ATP2B1: variants seen among roughly 807,000 people sequenced by gnomAD.
ATP2B1 encodes the protein ATPase plasma membrane Ca2+ transporting 1.
ATP2B1 carries 14 observed loss-of-function variants against 124.2 expected under a neutral mutation model. The ratio of observed to expected loss-of-function variants is 0.11; its 90% CI spans 0.07 to 0.18. ATP2B1 has a LOEUF of 0.18. Ranked by LOEUF, ATP2B1 falls within the 10% of genes least tolerant of loss-of-function variation. The pLI is 1.00. For synonymous variants in ATP2B1, 449 were observed against 492.4 expected, an observed-to-expected ratio of 0.91 and a Z score of 1.17; for missense variants, 763 against 1,466.1, an observed-to-expected ratio of 0.52 and a Z score of 7.83.
rs117688951 is a variant in ATP2B1, at chr12:89,651,367, A to G, written c.208+4312T>C. Among the ~76,000 whole-genome samples, 553 of 150,666 alleles carry G rather than the reference A, an allele frequency of 3.7e-3. 25 individuals carry two copies. The East Asian group carries it at 0.1, about 29-fold the overall frequency. On this transcript the variant is annotated intron_variant, in intron 2 of 20. Coordinates refer to ENST00000428670, the MANE Select transcript of ATP2B1 (RefSeq NM_001366521.1). The stretch of plus-strand genomic sequence containing the variant: ...GACTCAGGCGATCCTCCCACACTCA[A>G]GCGATCCTCCCACACTCAAGCGATC...
At chr12:89,592,180 A>G (rs946628665) in intron 20 of ATP2B1, among the ~76,000 whole-genome samples, 4 of 152,052 alleles carry the variant, frequency 2.6e-5, no homozygotes, top group African/African-American at 9.7e-5. Flanking sequence ...CAGTGCACAC[A>G]CTGACATTAA....
intron 11 of ATP2B1, among the ~76,000 whole-genome samples, chr12:89,618,315 G>A (rs1196634592): frequency 1.3e-5 from 2 of 152,204 alleles, no homozygotes; most frequent in East Asian, 3.9e-4. Context: ...CTTCACACTA[G>A]ACAGTTGGTA....
In ATP2B1 at chr12:89,638,635, CA is replaced by C. The variant is rs543303359; in HGVS notation, c.407-3385del. Among the ~76,000 whole-genome samples, 348 of 152,206 alleles carry C rather than the reference CA, an allele frequency of 2.3e-3. 2 individuals are homozygous for C. The highest frequency in any genetic ancestry group is 8.0e-3 in the African/African-American group (333 of 41,540). On this transcript the variant is annotated intron_variant, in intron 3 of 20. Coordinates refer to ENST00000428670, the MANE Select transcript of ATP2B1 (RefSeq NM_001366521.1). ...ATTTAAAAATTCATTATTGAGGGAA[CA>C]TTTTTCATCAAAATGCTATCTATGT...
chr12:89,633,978 G>T (rs773021155), intron 5 of ATP2B1, among the ~76,000 whole-genome samples: 4 of 152,134 alleles, frequency 2.6e-5, no homozygotes, highest in Non-Finnish European at 4.4e-5. Flanking sequence ...TGACTTGGGG[G>T]TCAATTTGTG....
At chr12:89,625,584 C>CAAAAAAAAAAAAAAAAAAGAAAAAAA (rs1880725174) in intron 8 of ATP2B1, among the ~76,000 whole-genome samples, 1 of 81,606 alleles carries the variant, frequency 1.2e-5, no homozygotes, top group Non-Finnish European at 2.4e-5. Context: ...GACCCTGTCT[C>CAAAAAAAAAAAAAAAAAAGAAAAAAA]AAAAAAAAAA....
chr12:89,598,757 G>C, intron 20 of ATP2B1: 2 of 1,613,702 alleles, frequency 1.2e-6, no homozygotes, highest in South Asian at 1.1e-5. Flanking sequence ...CAAGGAATCA[G>C]AGATTGTGAC....
In ATP2B1 at chr12:89,700,320, C is replaced by T. The variant is rs142744988; in HGVS notation, c.-222+8276G>A. On this transcript the variant is annotated intron_variant, in intron 1 of 20. Transcript: ENST00000428670. ...TCTTTCCCATTCACTGACTGACCTTCCTTGTTTTCAGCCCTCTATTTGCAC... is the reference window on the plus strand; with the variant it reads ...TCTTTCCCATTCACTGACTGACCTTTCTTGTTTTCAGCCCTCTATTTGCAC... Among the ~76,000 whole-genome samples the T allele has an allele frequency of 2.1e-3, 313 of 152,270 alleles. 1 individual carries two copies. The highest frequency in any genetic ancestry group is 3.8e-3 in the Non-Finnish European group (260 of 68,018).
chr12:89,599,904 C>A (rs1458565577), intron 19 of ATP2B1, among the ~76,000 whole-genome samples: 5 of 152,150 alleles, frequency 3.3e-5, no homozygotes, highest in South Asian at 2.1e-4. Context: ...GTGTTAACAT[C>A]CATTCTCTAA....
chr12:89,610,362 G>T (rs1592733339), intron 14 of ATP2B1, 59 bp downstream of exon 14: 1 of 1,381,832 alleles, frequency 7.2e-7, no homozygotes, highest in East Asian at 2.3e-5. Flanking sequence ...TTACTATTCT[G>T]GGAAGCAGAA....
intron 2 of ATP2B1, among the ~76,000 whole-genome samples, chr12:89,653,680 T>C (rs1885587936): frequency 6.6e-6 from 1 of 152,190 alleles, no homozygotes; most frequent in Admixed American, 6.5e-5. Context: ...TACATAACTA[T>C]CCCCTTCTCA....
chr12:89,661,202 G>A (rs1379954667), intron 1 of ATP2B1, among the ~76,000 whole-genome samples: 3 of 152,074 alleles, frequency 2.0e-5, no homozygotes, highest in East Asian at 1.9e-4. Flanking sequence ...TACACAATTA[G>A]AGCTTATTCC....
rs989747887 is a variant in ATP2B1, at chr12:89,626,635, G to T, written c.968-20C>A. On this transcript the variant is annotated intron_variant, in intron 7 of 20. Transcript: ENST00000428670. ...CTTTTGCTACATTTAAGAGCAAATA[G>T]AACTTCACTATACTTTAAAGGCACA... The T allele has an allele frequency of 6.4e-7, 1 of 1,574,056 alleles. No homozygotes were observed. The highest frequency in any genetic ancestry group is 1.4e-5 in the African/African-American group (1 of 72,616).
intron 2 of ATP2B1, among the ~76,000 whole-genome samples, chr12:89,650,203 C>T (rs572031134): frequency 5.9e-5 from 9 of 152,164 alleles, no homozygotes; most frequent in South Asian, 4.2e-4. Context: ...TGAGGGACAC[C>T]GGAAAATGTG....
At chr12:89,641,070 T>C (rs1249420773) in intron 3 of ATP2B1, among the ~76,000 whole-genome samples, 1 of 152,186 alleles carries the variant, frequency 6.6e-6, no homozygotes. Context: ...CACAAAAATA[T>C]TTTGGTGAAT....
chr12:89,669,082 T>A (rs1401803411), intron 1 of ATP2B1, among the ~76,000 whole-genome samples: 1 of 152,214 alleles, frequency 6.6e-6, no homozygotes, highest in Non-Finnish European at 1.5e-5. Flanking sequence ...ACACTCAGTA[T>A]GTACTGCATT....
chr12:89,696,595 G>A (rs1344723857), intron 1 of ATP2B1, among the ~76,000 whole-genome samples: 3 of 152,144 alleles, frequency 2.0e-5, no homozygotes, highest in African/African-American at 7.2e-5. Flanking sequence ...AACCATTAAA[G>A]TGTTAAAACT....
upstream of ATP2B1, chr12:89,708,960 GCGGCACACAGGGCGCGCCGCGCTCGCT>G (rs1301855552): frequency 6.6e-6 from 1 of 151,596 alleles, no homozygotes; most frequent in Non-Finnish European, 1.5e-5. Context: ...GCTCCGCAGA[GCGGCACACAGGGCGCGCCGCGCTCGCT>G]CGGCACGGGC....
At chr12:89,629,273 T>C (rs116858620) in intron 6 of ATP2B1, among the ~76,000 whole-genome samples, 1,925 of 152,292 alleles carry the variant, frequency 0.013, 23 homozygotes, top group Non-Finnish European at 0.019. Flanking sequence ...CTAGAGCAAA[T>C]TATATAATCT....
At chr12:89,701,418 T>C (rs746512531) in intron 1 of ATP2B1, among the ~76,000 whole-genome samples, 2 of 152,230 alleles carry the variant, frequency 1.3e-5, no homozygotes, top group African/African-American at 2.4e-5. Context: ...TCACGATATA[T>C]AGAACTTTAT....
Sources: allele counts gnomAD v4.1 joint callset (sites outside exome capture counted in the v4.1 genomes callset), GRCh38; gene constraint gnomAD v4.1.1; transcripts MANE v1.5; gene names NCBI Gene and HGNC (gene_info 2026-07-23, HGNC 2026-07-21).